The following KMT2C variants were observed in gnomAD, a reference collection of about 807,000 sequenced individuals.
The protein encoded by KMT2C is lysine methyltransferase 2C.
A neutral mutation model predicts 507.9 loss-of-function variants in KMT2C; 88 were observed. The observed-to-expected ratio is 0.17, with a 90% confidence interval of 0.15 to 0.21. KMT2C has a LOEUF of 0.21. Among genes scored for constraint, KMT2C ranks in the 10% least tolerant of loss-of-function variants. KMT2C has a pLI of 1.00. For missense variants in KMT2C, 4,954 were observed against 5,957.8 expected (o/e 0.83, Z 5.55); for synonymous variants, 2,049 against 2,080.8 (o/e 0.98, Z 0.42).
chr7:152,290,656 T>C lies in KMT2C; in HGVS notation c.850-16789A>G, dbSNP rs575123082. Among the ~76,000 whole-genome samples the C allele has an allele frequency of 8.5e-3, 1,289 of 152,120 alleles. 20 individuals are homozygous for C. Among genetic ancestry groups the C allele is most frequent in the African/African-American group, 0.03 (1,242 of 41,518 alleles). ...AAAGATATAAAGTTCATTGATGGGA[T>C]TGCAGTCTTCAGATTGCACCAAACC... On this transcript the variant is annotated intron_variant, in intron 6 of 58. Transcript: ENST00000262189.
Position 152,420,540 on chromosome 7 carries a change from ATTC to A in KMT2C, c.161+15083_161+15085del, listed in dbSNP as rs2097771095. On this transcript the variant is annotated intron_variant, in intron 1 of 58. Coordinates refer to ENST00000262189, the MANE Select transcript of KMT2C (RefSeq NM_170606.3). ...GGGAGAAAATATCTGCAAACTATGC[ATTC>A]AACAAAGGCCTGGCCTGGCTCAGTG... is the stretch of plus-strand genomic sequence containing the variant. Among the ~76,000 whole-genome samples the A allele has an allele frequency of 1.3e-5, 2 of 152,218 alleles. 1 individual carries two copies. The highest frequency in any genetic ancestry group is 4.1e-4 in the South Asian group (2 of 4,832).
intron 1 of KMT2C, among the ~76,000 whole-genome samples, chr7:152,374,761 T>C (rs1428713763): frequency 1.3e-5 from 2 of 151,742 alleles, no homozygotes; most frequent in African/African-American, 4.8e-5. Flanking sequence ...TAGCCAGGCA[T>C]GGTGGCACAC....
At chr7:152,361,011 G>A (rs1307973223) in intron 1 of KMT2C, among the ~76,000 whole-genome samples, 1 of 152,084 alleles carries the variant, frequency 6.6e-6, no homozygotes, top group Non-Finnish European at 1.5e-5. Context: ...AATAAAAACT[G>A]AGAACAATCC....
chr7:152,332,047 C>A (rs981238900), intron 2 of KMT2C, among the ~76,000 whole-genome samples: 2 of 152,126 alleles, frequency 1.3e-5, no homozygotes, highest in Admixed American at 1.3e-4. Flanking sequence ...ATAAAATCAT[C>A]ATTAAAAGAC....
intron 6 of KMT2C, among the ~76,000 whole-genome samples, chr7:152,280,341 G>C (rs962084555): frequency 6.6e-6 from 1 of 151,904 alleles, no homozygotes; most frequent in Non-Finnish European, 1.5e-5. Context: ...ATGAGATCAA[G>C]ACCATCCTGG....
At position 152,330,641 on chromosome 7, in the gene KMT2C, C is replaced by T. The variant is rs868841832; in HGVS notation, c.349G>A (p.Ala117Thr). 1.2e-6 allele frequency: 2 copies of T among 1,613,988 alleles called. No homozygotes were observed. Among genetic ancestry groups the T allele is most frequent in the East Asian group, 2.2e-5 (1 of 44,896 alleles). ...TLQRSVSEESANSLVSVGVEA... is the reference protein window; with the variant it reads ...TLQRSVSEESTNSLVSVGVEA... ...ACACCAACAGAGACCAGGGAGTTTG[C>T]CGATTCCTCAGACACAGATCGCTGA... is the stretch of plus-strand genomic sequence containing the variant. The change falls in exon 3 of 59, where the codon GCA becomes ACA. Residue 117 changes from alanine (A) to threonine (T), a missense_variant. Physicochemically the swap from Ala to Thr is moderately conservative, Grantham distance 58. Around this residue, in one of 29 missense-constraint regions of KMT2C, gnomAD observed 233 missense variants for 263.6 expected, o/e 0.88. Coordinates refer to ENST00000262189, the MANE Select transcript of KMT2C (RefSeq NM_170606.3).
At position 152,156,334 on chromosome 7, in the gene KMT2C, T is replaced by A; in HGVS notation, c.11683A>T (p.Ser3895Cys). 1.9e-6 allele frequency: 3 copies of A among 1,614,080 alleles called. No homozygotes were observed. The highest frequency in any genetic ancestry group is 2.5e-6 in the Non-Finnish European group (3 of 1,179,972). The stretch of plus-strand genomic sequence containing the variant: ...GAGGCAGGGGGTGTTGGAGGATTAC[T>A]TAAATTATTCTGCTGCAGGAGACCA... ...FTHLKQQNNL[S>C]NPPTPPASLP... Residue 3895 changes from serine to cysteine, a missense_variant, in exon 45 of 59, where the codon AGT becomes TGT. By Grantham distance (112) the Ser-to-Cys change is moderately radical. Transcript: ENST00000262189.
At chr7:152,386,084 CA>C (rs1033044018) in intron 1 of KMT2C, among the ~76,000 whole-genome samples, 143 of 122,688 alleles carry the variant, frequency 1.2e-3, no homozygotes, top group Admixed American at 1.1e-3. Context: ...GAGACTCCGT[CA>C]AAAAAAAAAA....
chr7:152,194,400 A>G (rs2093902523), intron 29 of KMT2C, 40 bp downstream of exon 29: 1 of 1,585,890 alleles, frequency 6.3e-7, no homozygotes, highest in Non-Finnish European at 8.6e-7. Context: ...ATATTTACTC[A>G]GGTCTTTTAG....
chr7:152,336,082 G>A (rs974752267), intron 2 of KMT2C, among the ~76,000 whole-genome samples: 1 of 151,996 alleles, frequency 6.6e-6, no homozygotes, highest in East Asian at 1.9e-4. Flanking sequence ...GAAACAGTAG[G>A]GAGCGATAGT....
At chr7:152,368,975 T>C (rs2097270247) in intron 1 of KMT2C, among the ~76,000 whole-genome samples, 1 of 151,936 alleles carries the variant, frequency 6.6e-6, no homozygotes, top group South Asian at 2.1e-4. Context: ...TTCTCGTGGT[T>C]TGATTGTTTA....
rs1354863452 is a variant in KMT2C, at chr7:152,177,058, G to C, written c.8395C>G (p.Gln2799Glu). ...CVSVEPKKKE[Q>E]ENKTLVLSDK... is the part of the protein sequence containing the mutation. ...GAGAGAACCAGAGTTTTGTTTTCTT[G>C]TTCCTTTTTTTTTGGTTCAACAGAT... Residue 2799 changes from glutamine (Q) to glutamate (E), a missense_variant, in exon 38 of 59, where the codon CAA becomes GAA. Transcript: ENST00000262189. 2.5e-6 allele frequency: 4 copies of C among 1,610,220 alleles called. No individual in the cohort carries two copies. In the South Asian group the frequency reaches 3.3e-5, roughly 13 times the overall value.
intron 2 of KMT2C, among the ~76,000 whole-genome samples, chr7:152,357,189 T>C (rs2097159302): frequency 6.6e-6 from 1 of 151,182 alleles, no homozygotes; most frequent in Admixed American, 6.6e-5. Flanking sequence ...ATCACACCAC[T>C]GTAGTCCAGC....
At position 152,154,074 on chromosome 7, in the gene KMT2C, G is replaced by A. The variant is rs2129098526; in HGVS notation, c.12212C>T (p.Ser4071Phe). 1 of 1,613,778 alleles carries A rather than the reference G, an allele frequency of 6.2e-7. No homozygotes were observed. The change falls in exon 48 of 59, where the codon TCC becomes TTC. Residue 4071 changes from serine to phenylalanine, a missense_variant. By Grantham distance (155) the Ser-to-Phe change is radical (BLOSUM62 -2). Transcript: ENST00000262189. ...TLYFASPFGP[S>F]PNGPRSGLIS... ...AAGACCTGATCTGGGACCATTTGGG[G>A]AAGGACCAAAAGGTGACGCAAAATA...
At chr7:152,401,317 T>C (rs1458254219) in intron 1 of KMT2C, among the ~76,000 whole-genome samples, 1 of 151,894 alleles carries the variant, frequency 6.6e-6, no homozygotes. Flanking sequence ...CGCCCTCAGG[T>C]GATCAGCCCG....
Position 152,249,221 on chromosome 7 carries a change from A to G in KMT2C, c.1814-601T>C, listed in dbSNP as rs192242781. Among the ~76,000 whole-genome samples, 380 of 152,176 alleles carry G rather than the reference A, an allele frequency of 2.5e-3. 4 individuals carry two copies. Among genetic ancestry groups the G allele is most frequent in the African/African-American group, 8.5e-3 (354 of 41,538 alleles). ...GTAAATTTTAAATCAGGATACCAGT[A>G]TGTTAAACCTTTAACTCAATCTCAT... On this transcript the variant is annotated intron_variant, in intron 13 of 58. Coordinates refer to ENST00000262189, the MANE Select transcript of KMT2C (RefSeq NM_170606.3).
At position 152,176,991 on chromosome 7, in the gene KMT2C, T is replaced by C. The variant is rs2129114012; in HGVS notation, c.8462A>G (p.Glu2821Gly). Reference sequence around the variant, plus strand: ...TGGAGACAGTACTTCCGTTTTTACCTCATTGGTAACAGTGGATTTTTTCTG... The same window carrying C: ...TGGAGACAGTACTTCCGTTTTTACCCCATTGGTAACAGTGGATTTTTTCTG... Reference protein sequence around the residue: ...SPQKKSTVTNEVKTEVLSPNS... With the variant: ...SPQKKSTVTNGVKTEVLSPNS... The change falls in exon 38 of 59, where the codon GAG becomes GGG. Residue 2821 changes from glutamate (E) to glycine (G), a missense_variant. Around this residue, in one of 29 missense-constraint regions of KMT2C, gnomAD observed 1,689 missense variants for 1,654.3 expected, o/e 1.02. Coordinates refer to ENST00000262189, the MANE Select transcript of KMT2C (RefSeq NM_170606.3). 1 of 1,613,960 alleles carries C rather than the reference T, an allele frequency of 6.2e-7. No homozygotes were observed. Among genetic ancestry groups the C allele is most frequent in the Non-Finnish European group, 8.5e-7 (1 of 1,179,838 alleles).
At chr7:152,260,982 T>C (rs2095759809) in intron 9 of KMT2C, among the ~76,000 whole-genome samples, 1 of 152,282 alleles carries the variant, frequency 6.6e-6, no homozygotes, top group Admixed American at 6.5e-5. Flanking sequence ...TATAAATCAT[T>C]GCAGGAAGTA....
chr7:152,224,264 T>C lies in KMT2C; in HGVS notation c.3159-85A>G, dbSNP rs2094862069. On this transcript the variant is annotated intron_variant, in intron 19 of 58. Coordinates refer to ENST00000262189, the MANE Select transcript of KMT2C (RefSeq NM_170606.3). ...TAATTCAGGAAGCTACATACGAACATAATGGGGGAAATGATTTAATGTGTA... is the reference window on the plus strand; with the variant it reads ...TAATTCAGGAAGCTACATACGAACACAATGGGGGAAATGATTTAATGTGTA... 24 of 1,375,814 alleles carry C rather than the reference T, an allele frequency of 1.7e-5. No individual in the cohort carries two copies. In the South Asian group the frequency reaches 2.7e-4, roughly 16 times the overall value. The allele number at this position is 1,375,814 out of a possible 1,614,324, so 85.2% of individuals were successfully genotyped here.
Sources: allele counts gnomAD v4.1 joint callset (sites outside exome capture counted in the v4.1 genomes callset), GRCh38; gene constraint gnomAD v4.1.1; regional missense constraint gnomAD v4.1.1; transcripts MANE v1.5; gene names NCBI Gene and HGNC (gene_info 2026-07-23, HGNC 2026-07-21).